The following PCBP3 variants were observed in gnomAD, a reference collection of about 807,000 sequenced individuals.
PCBP3 encodes poly(rC) binding protein 3.
PCBP3 carries 25 observed loss-of-function variants against 52.7 expected under a neutral mutation model. That is an observed-to-expected ratio of 0.47 (90% confidence interval 0.35 to 0.66). The LOEUF (loss-of-function observed/expected upper bound fraction) is 0.66, where lower values mean the gene tolerates loss of function less well. Ranked by LOEUF, PCBP3 falls within the 30% of genes least tolerant of loss-of-function variation. The probability of loss-of-function intolerance (pLI) is 0.01; values close to 1 mark genes in which losing one functional copy is unlikely to be tolerated. For missense variants in PCBP3, 391 were observed against 490.3 expected, an observed-to-expected ratio of 0.80 and a Z score of 1.91; for synonymous variants, 162 against 183.0, an observed-to-expected ratio of 0.89 and a Z score of 0.93.
At chr21:45,914,430 C>T in intron 12 of PCBP3, 1 of 401,356 alleles carries the variant, frequency 2.5e-6, no homozygotes, top group Non-Finnish European at 4.4e-6. Context: ...TCCCAAACTC[C>T]CAGGATGTGC....
intron 2 of PCBP3, chr21:45,673,804 A>G (rs2147341529): frequency 6.6e-6 from 1 of 152,328 alleles, no homozygotes; most frequent in East Asian, 1.9e-4. Flanking sequence ...AGGTACCCAA[A>G]CCAGCCTTGG....
intron 5 of PCBP3, among the ~76,000 whole-genome samples, chr21:45,893,481 G>C (rs1450337865): frequency 3.5e-5 from 4 of 115,516 alleles, no homozygotes; most frequent in Non-Finnish European, 7.1e-5. Flanking sequence ...ACAGCTGTAG[G>C]CTGCATCCCC....
At chr21:45,644,737 C>T (rs1252431157) in intron 1 of PCBP3, among the ~76,000 whole-genome samples, 3 of 152,022 alleles carry the variant, frequency 2.0e-5, no homozygotes, top group East Asian at 3.9e-4. Flanking sequence ...GAGTGGGATT[C>T]GCCAGAAGGA....
intron 4 of PCBP3, among the ~76,000 whole-genome samples, chr21:45,768,941 A>C (rs955991037): frequency 6.6e-6 from 1 of 152,246 alleles, no homozygotes; most frequent in Admixed American, 6.5e-5. Context: ...CAATCAGGGC[A>C]TGATGACCGA....
chr21:45,684,112 CAGCTTCTCTGG>C (rs1282474475), intron 2 of PCBP3, among the ~76,000 whole-genome samples: 2 of 150,774 alleles, frequency 1.3e-5, no homozygotes, highest in Admixed American at 1.3e-4. Flanking sequence ...CCTGTAGTCC[CAGCTTCTCTGG>C]AGGTTGAGGC....
At position 45,917,513 on chromosome 21, in the gene PCBP3, G is replaced by T. The variant is rs368887081; in HGVS notation, c.676-75G>T. 3.8e-4 allele frequency: 442 copies of T among 1,166,106 alleles called. 1 individual carries two copies. The African/African-American group carries it at 5.8e-3, about 15-fold the overall frequency. 72.2% of individuals were successfully genotyped at this position (1,166,106 alleles called of 1,614,324 possible). On this transcript the variant is annotated intron_variant, in intron 12 of 17. Coordinates refer to ENST00000681687, the MANE Select transcript of PCBP3 (RefSeq NM_001384156.1). The surrounding 1 kb of genome is among the most constrained non-coding windows in gnomAD (Gnocchi z 5.3). ...GCTTCTACCGGAGGGTCCTTGTCAT[G>T]CTGGAGGGTGGCGGCGGGTGCTGAG...
intron 1 of PCBP3, among the ~76,000 whole-genome samples, chr21:45,652,662 C>A (rs2079767446): frequency 6.6e-6 from 1 of 152,060 alleles, no homozygotes; most frequent in Non-Finnish European, 1.5e-5. Context: ...AGGCTGGTCT[C>A]AAACTCCTGA....
intron 3 of PCBP3, among the ~76,000 whole-genome samples, chr21:45,738,081 C>A (rs992375048): frequency 1.3e-5 from 2 of 152,134 alleles, no homozygotes; most frequent in African/African-American, 4.8e-5. Flanking sequence ...AGGTAAGGAC[C>A]CATCTCCCAT....
intron 1 of PCBP3, 70 bp downstream of exon 1, chr21:45,643,938 G>A (rs565383636): frequency 1.2e-4 from 18 of 149,184 alleles, no homozygotes; most frequent in African/African-American, 3.9e-4. Context: ...AGTCCCCGAC[G>A]GAGGCCGAGT....
chr21:45,665,389 C>T (rs1332467644), intron 1 of PCBP3, among the ~76,000 whole-genome samples: 7 of 152,018 alleles, frequency 4.6e-5, no homozygotes, highest in Non-Finnish European at 1.0e-4. Flanking sequence ...GCCTATGTCA[C>T]AGAGTGAGAT....
At chr21:45,898,293 G>GCACACTGTCCTCACAGCCTCCCTCTA (rs1569466270) in intron 6 of PCBP3, among the ~76,000 whole-genome samples, 3 of 65,068 alleles carry the variant, frequency 4.6e-5, no homozygotes, top group Admixed American at 1.6e-4. Context: ...GGGCCCCTCT[G>GCACACTGTCCTCACAGCCTCCCTCTA]CACACCGTCC....
Position 45,853,858 on chromosome 21 carries a change from G to A in PCBP3, c.10+3763G>A, listed in dbSNP as rs1028644175. 1 of 152,318 alleles carries A rather than the reference G, an allele frequency of 6.6e-6. No homozygotes were observed. The highest frequency in any genetic ancestry group is 1.5e-5 in the Non-Finnish European group (1 of 68,124). 9.4% of individuals were successfully genotyped at this position (152,318 alleles called of 1,614,324 possible). A position where few individuals can be genotyped will look rare whatever the true frequency, so the allele number is the denominator to read the frequency against. On this transcript the variant is annotated intron_variant, in intron 5 of 17. Coordinates refer to ENST00000681687, the MANE Select transcript of PCBP3 (RefSeq NM_001384156.1). The surrounding 1 kb of genome is among the most constrained non-coding windows in gnomAD (Gnocchi z 4.6). ...CTCCTGCGTGGTGGCAGTGGCAGGT[G>A]GTGGTGATAAGGGCCGGTGAGAATA...
At chr21:45,748,784 G>A (rs141876943) in intron 3 of PCBP3, among the ~76,000 whole-genome samples, 6 of 152,382 alleles carry the variant, frequency 3.9e-5, no homozygotes, top group Non-Finnish European at 7.3e-5. Context: ...GTCACGGGAA[G>A]AGAAGTGTCC....
chr21:45,670,901 T>A (rs1322688615), intron 2 of PCBP3, among the ~76,000 whole-genome samples: 1 of 152,164 alleles, frequency 6.6e-6, no homozygotes. Context: ...CTCCTCACAG[T>A]GGGTGGTCAT....
Position 45,671,332 on chromosome 21 carries a change from A to G in PCBP3, c.-200+2380A>G, listed in dbSNP as rs543479532. Among the ~76,000 whole-genome samples, 58 of 152,292 alleles carry G rather than the reference A, an allele frequency of 3.8e-4. No individual in the cohort carries two copies. In the South Asian group the frequency reaches 0.012, roughly 31 times the overall value. On this transcript the variant is annotated intron_variant, in intron 2 of 17. Coordinates refer to ENST00000681687, the MANE Select transcript of PCBP3 (RefSeq NM_001384156.1). ...CTTGCACAAAGGATGGATTTCTAGCATTGTGTGGTCTTTATCAAATCCAGT... is the reference window on the plus strand; with the variant it reads ...CTTGCACAAAGGATGGATTTCTAGCGTTGTGTGGTCTTTATCAAATCCAGT...
chr21:45,666,146 C>T (rs763896312), intron 1 of PCBP3, among the ~76,000 whole-genome samples: 77 of 152,232 alleles, frequency 5.1e-4, no homozygotes, highest in African/African-American at 1.7e-3. Context: ...TTATGAAAGA[C>T]CCACAGCCAA....
intron 2 of PCBP3, among the ~76,000 whole-genome samples, chr21:45,681,231 C>T (rs912596182): frequency 2.0e-5 from 3 of 152,204 alleles, no homozygotes; most frequent in African/African-American, 7.2e-5. Context: ...ATAGCAGCCT[C>T]TATTTCTAGT....
In PCBP3 at chr21:45,778,393, T is replaced by C. The variant is rs945825284; in HGVS notation, c.-126+22941T>C. On this transcript the variant is annotated intron_variant, in intron 4 of 17. Transcript: ENST00000681687. ...TGGTGGTTACCAGTAGGCCGATTAT[T>C]GGGCCTCCATGTGTCTTGCTTGGAT... Among the ~76,000 whole-genome samples, 4 of 152,176 alleles carry C rather than the reference T, an allele frequency of 2.6e-5. No individual in the cohort carries two copies. The South Asian group carries it at 6.2e-4, about 24-fold the overall frequency.
In PCBP3 at chr21:45,802,420, C is replaced by T. The variant is rs149505392; in HGVS notation, c.-126+46968C>T. 9.9e-4 allele frequency among the ~76,000 whole-genome samples: 151 copies of T among 152,238 alleles called. 2 individuals are homozygous for T. Among genetic ancestry groups the T allele is most frequent in the Non-Finnish European group, 1.9e-3 (129 of 67,964 alleles). On this transcript the variant is annotated intron_variant, in intron 4 of 17. Coordinates refer to ENST00000681687, the MANE Select transcript of PCBP3 (RefSeq NM_001384156.1). The surrounding 1 kb of genome is among the most constrained non-coding windows in gnomAD (Gnocchi z 5.1). ...CTCTTCTTAGCTTGTTCATTAAAAACAATTGTACTTACTGAGTGCCTACGT... is the reference window on the plus strand; with the variant it reads ...CTCTTCTTAGCTTGTTCATTAAAAATAATTGTACTTACTGAGTGCCTACGT...
Sources: gnomAD v4.1 joint callset for allele counts (sites outside exome capture counted in the v4.1 genomes callset) on GRCh38, gnomAD v4.1.1 for gene constraint, Gnocchi (gnomAD v3.1) non-coding constraint, MANE v1.5 for transcripts, NCBI Gene and HGNC (gene_info 2026-07-23, HGNC 2026-07-21) for gene names.